Variants in TMOD1 observed in about 807,000 individuals in gnomAD.
TMOD1 encodes the protein tropomodulin-1.
A neutral mutation model predicts 40.6 loss-of-function variants in TMOD1; 17 were observed. That is an observed-to-expected ratio of 0.42 (90% confidence interval 0.29 to 0.63). The LOEUF (loss-of-function observed/expected upper bound fraction) is 0.63, where lower values mean the gene tolerates loss of function less well. Ranked by LOEUF, TMOD1 falls within the 20% of genes least tolerant of loss-of-function variation. The pLI is 0.22. For missense variants in TMOD1, 391 were observed against 447.6 expected (o/e 0.87, Z 1.14); for synonymous variants, 181 against 175.0 (o/e 1.03, Z -0.27).
At chr9:97,575,024 T>C (rs556726224) in intron 8 of TMOD1, among the ~76,000 whole-genome samples, 25 of 152,300 alleles carry the variant, frequency 1.6e-4, no homozygotes, top group South Asian at 1.4e-3. Context: ...AAAAGCAGGC[T>C]GCCGGATAAC....
intron 9 of TMOD1, among the ~76,000 whole-genome samples, chr9:97,597,809 C>G (rs538449485): frequency 6.6e-6 from 1 of 152,180 alleles, no homozygotes; most frequent in African/African-American, 2.4e-5. Context: ...AACCCCCCCA[C>G]CAAGCCATAG....
At chr9:97,542,423 A>G (rs1289474138) in intron 2 of TMOD1, among the ~76,000 whole-genome samples, 2 of 152,248 alleles carry the variant, frequency 1.3e-5, no homozygotes, top group Non-Finnish European at 2.9e-5. Context: ...ACTTGAATAA[A>G]TGAAGCCATA....
At chr9:97,564,732 G>A (rs1350966720) in intron 6 of TMOD1, among the ~76,000 whole-genome samples, 2 of 152,138 alleles carry the variant, frequency 1.3e-5, no homozygotes, top group Non-Finnish European at 2.9e-5. Flanking sequence ...ATGTGATCCC[G>A]GGGCAGGGGA....
At chr9:97,527,481 T>A (rs10982522) in intron 2 of TMOD1, among the ~76,000 whole-genome samples, 1 of 152,120 alleles carries the variant, frequency 6.6e-6, no homozygotes, top group Non-Finnish European at 1.5e-5. Context: ...CAGGTGATAC[T>A]GGAACTGAGC....
At chr9:97,524,559 G>A (rs887603889) in intron 2 of TMOD1, among the ~76,000 whole-genome samples, 2 of 150,630 alleles carry the variant, frequency 1.3e-5, no homozygotes, top group Non-Finnish European at 3.0e-5. Flanking sequence ...GAGAAGGGGA[G>A]AGAGAGATTT....
intron 4 of TMOD1, among the ~76,000 whole-genome samples, chr9:97,561,405 C>T (rs923558760): frequency 2.0e-5 from 3 of 152,150 alleles, no homozygotes; most frequent in Admixed American, 6.5e-5. Context: ...TGAAACCATC[C>T]AGGGAGCTTT....
intron 2 of TMOD1, among the ~76,000 whole-genome samples, chr9:97,540,021 T>C (rs1010332716): frequency 4.3e-5 from 6 of 140,872 alleles, no homozygotes; most frequent in Middle Eastern, 3.9e-3. Context: ...AAAACAAAAA[T>C]GCGCCATTCA....
chr9:97,576,454 C>CA, intron 8 of TMOD1, among the ~76,000 whole-genome samples: 1 of 150,908 alleles, frequency 6.6e-6, no homozygotes, highest in Admixed American at 6.6e-5. Flanking sequence ...ACACAGTCTC[C>CA]AAAAAAATAA....
intron 5 of TMOD1, 24 bp from the exon 6 acceptor site, chr9:97,564,014 C>A (rs1248516252): frequency 6.3e-7 from 1 of 1,599,462 alleles, no homozygotes; most frequent in Non-Finnish European, 8.5e-7. Context: ...CTGTGAGCCA[C>A]CTCCCTTTCA....
intron 8 of TMOD1, among the ~76,000 whole-genome samples, chr9:97,582,213 C>CAT (rs1432428949): frequency 2.0e-5 from 3 of 150,146 alleles, no homozygotes; most frequent in African/African-American, 7.3e-5. Flanking sequence ...CAGCTTTCTA[C>CAT]ATATGGCTAG....
At chr9:97,547,191 G>A (rs986934518) in intron 3 of TMOD1, among the ~76,000 whole-genome samples, 10 of 152,026 alleles carry the variant, frequency 6.6e-5, no homozygotes, top group Non-Finnish European at 1.5e-4. Context: ...AAGACTTCCC[G>A]TTGCTCTCCA....
At chr9:97,504,595 C>G (rs541403554) in intron 1 of TMOD1, among the ~76,000 whole-genome samples, 72 of 152,214 alleles carry the variant, frequency 4.7e-4, no homozygotes, top group Non-Finnish European at 8.2e-4. Flanking sequence ...TGGCCTTCAT[C>G]CCCTGGAATG....
chr9:97,516,830 G>C (rs1024520341), intron 1 of TMOD1: 4 of 152,198 alleles, frequency 2.6e-5, no homozygotes, highest in Non-Finnish European at 5.9e-5. Flanking sequence ...TGGGGGAGGA[G>C]AGAAAGGGGA....
intron 8 of TMOD1, among the ~76,000 whole-genome samples, chr9:97,584,972 T>C (rs1248899946): frequency 2.0e-5 from 3 of 152,250 alleles, no homozygotes; most frequent in Non-Finnish European, 2.9e-5. Flanking sequence ...TGCCAGTCTG[T>C]GTCTTTTAAT....
chr9:97,536,626 C>T (rs952294329), intron 2 of TMOD1, among the ~76,000 whole-genome samples: 1 of 152,068 alleles, frequency 6.6e-6, no homozygotes, highest in African/African-American at 2.4e-5. Context: ...TCCCAGAGGA[C>T]GGCAGTCAGG....
intron 1 of TMOD1, among the ~76,000 whole-genome samples, chr9:97,514,275 CTTTT>C (rs71369513): frequency 8.2e-6 from 1 of 121,808 alleles, no homozygotes. Flanking sequence ...TTTTCTTTTT[CTTTT>C]TTTTTTTTTT....
intron 4 of TMOD1, among the ~76,000 whole-genome samples, chr9:97,561,195 G>A (rs1357034502): frequency 6.6e-6 from 1 of 152,192 alleles, no homozygotes. Flanking sequence ...CAGAACTCAG[G>A]TCAGACCATC....
intron 8 of TMOD1, among the ~76,000 whole-genome samples, chr9:97,588,415 T>C (rs1439056324): frequency 6.6e-6 from 1 of 152,228 alleles, no homozygotes; most frequent in African/African-American, 2.4e-5. Context: ...TCAAATCCTT[T>C]GCTCATTTAT....
chr9:97,525,654 C>T (rs868040406), intron 2 of TMOD1, among the ~76,000 whole-genome samples: 3 of 152,198 alleles, frequency 2.0e-5, no homozygotes, highest in African/African-American at 4.8e-5. Context: ...TACTAAAAAA[C>T]GCCCTAAGGG....
Sources: gnomAD v4.1 joint callset for allele counts (sites outside exome capture counted in the v4.1 genomes callset) on GRCh38, gnomAD v4.1.1 for gene constraint, MANE v1.5 for transcripts, NCBI Gene and HGNC (gene_info 2026-07-23, HGNC 2026-07-21) for gene names.